ARHGAP15: variants seen among roughly 807,000 people sequenced by gnomAD.
The protein encoded by ARHGAP15 is Rho GTPase activating protein 15, also known as rho GTPase-activating protein 15.
ARHGAP15 carries 51 observed loss-of-function variants against 63.7 expected under a neutral mutation model. That is an observed-to-expected ratio of 0.80 (90% CI 0.64 to 1.01). The LOEUF is 1.01. Ranked by LOEUF, ARHGAP15 falls within the 50% of genes least tolerant of loss-of-function variation. The probability of loss-of-function intolerance (pLI) is 0.00; values close to 1 mark genes in which losing one functional copy is unlikely to be tolerated. For synonymous variants in ARHGAP15, 191 were observed against 193.8 expected, an observed-to-expected ratio of 0.99 and a Z score of 0.12; for missense variants, 560 against 564.6, an observed-to-expected ratio of 0.99 and a Z score of 0.08.
At chr2:143,378,684 T>C (rs1398607479) in intron 6 of ARHGAP15, among the ~76,000 whole-genome samples, 1 of 152,096 alleles carries the variant, frequency 6.6e-6, no homozygotes, top group Admixed American at 6.6e-5. Context: ...CATTGATTGA[T>C]GTGTTTTATC....
intron 2 of ARHGAP15, among the ~76,000 whole-genome samples, chr2:143,195,477 A>G (rs995270598): frequency 1.3e-5 from 2 of 152,312 alleles, no homozygotes; most frequent in East Asian, 3.9e-4. Flanking sequence ...TTAAAATTAG[A>G]AGATTAACTG....
At chr2:143,338,101 C>A (rs1277221125) in intron 6 of ARHGAP15, among the ~76,000 whole-genome samples, 3 of 152,128 alleles carry the variant, frequency 2.0e-5, no homozygotes, top group African/African-American at 4.8e-5. Flanking sequence ...TTTCCCCTTA[C>A]AATTACTTCC....
intron 12 of ARHGAP15, among the ~76,000 whole-genome samples, chr2:143,668,280 CT>C (rs60232406): frequency 0.25 from 35,686 of 145,562 alleles, 4,307 homozygotes; most frequent in Middle Eastern, 0.31. Context: ...ATTCTATTTT[CT>C]TTTTTTTTTT....
intron 10 of ARHGAP15, among the ~76,000 whole-genome samples, chr2:143,549,925 G>A (rs945553578): frequency 1.3e-5 from 2 of 152,116 alleles, no homozygotes; most frequent in African/African-American, 2.4e-5. Context: ...GAGGGAGAGA[G>A]TTGGACACAT....
At chr2:143,506,621 A>C (rs1018183267) in intron 9 of ARHGAP15, among the ~76,000 whole-genome samples, 1 of 152,206 alleles carries the variant, frequency 6.6e-6, no homozygotes, top group African/African-American at 2.4e-5. Flanking sequence ...TAATGAGATG[A>C]TGACAGGCAA....
intron 11 of ARHGAP15, among the ~76,000 whole-genome samples, chr2:143,572,288 G>A (rs116029132): frequency 1.3e-5 from 2 of 152,244 alleles, no homozygotes; most frequent in Non-Finnish European, 2.9e-5. Context: ...CCACCTGTGT[G>A]TGCCTTTGGA....
chr2:143,149,799 G>T (rs1689741734), intron 1 of ARHGAP15, among the ~76,000 whole-genome samples: 2 of 151,912 alleles, frequency 1.3e-5, no homozygotes. Context: ...ACATACACTG[G>T]CATAAACTAG....
chr2:143,597,818 A>G lies in ARHGAP15; in HGVS notation c.1004-26315A>G, dbSNP rs551752258. ...TATCAATTGCTGCTGCCATAACAAA[A>G]CACTTAAGACTGGGTAATTTATAAA... On this transcript the variant is annotated intron_variant, in intron 11 of 13. Coordinates refer to ENST00000295095, the MANE Select transcript of ARHGAP15 (RefSeq NM_018460.4). 3.3e-5 allele frequency: 5 copies of G among 152,286 alleles called. No individual in the cohort carries two copies. The South Asian group carries it at 1.0e-3, about 32-fold the overall frequency. 9.4% of individuals were successfully genotyped at this position (152,286 alleles called of 1,614,324 possible).
At chr2:143,238,048 T>C (rs1574135414) in intron 5 of ARHGAP15, 2 of 152,248 alleles carry the variant, frequency 1.3e-5, no homozygotes, top group South Asian at 4.1e-4. Flanking sequence ...TTTCTGCATA[T>C]GGTTACCCAG....
At chr2:143,146,389 A>G (rs556557613) in intron 1 of ARHGAP15, among the ~76,000 whole-genome samples, 2 of 152,094 alleles carry the variant, frequency 1.3e-5, no homozygotes, top group Non-Finnish European at 2.9e-5. Context: ...TCAAGAAAAA[A>G]TAGACCCTTT....
chr2:143,276,587 C>T (rs773816358), intron 6 of ARHGAP15, among the ~76,000 whole-genome samples: 2 of 152,018 alleles, frequency 1.3e-5, no homozygotes, highest in Non-Finnish European at 2.9e-5. Flanking sequence ...CCTACATATT[C>T]CTTCTCTCAT....
At chr2:143,755,278 G>C (rs897361622) in intron 13 of ARHGAP15, among the ~76,000 whole-genome samples, 2 of 150,390 alleles carry the variant, frequency 1.3e-5, no homozygotes, top group African/African-American at 2.4e-5. Flanking sequence ...CATATATGGG[G>C]GGGGGGGATC....
chr2:143,208,327 C>G (rs1044442186), intron 3 of ARHGAP15, among the ~76,000 whole-genome samples: 2 of 152,166 alleles, frequency 1.3e-5, no homozygotes, highest in African/African-American at 4.8e-5. Flanking sequence ...CAATTATTCA[C>G]TTTATAAAAT....
chr2:143,234,800 G>T (rs1054554447), intron 5 of ARHGAP15, among the ~76,000 whole-genome samples: 1 of 152,070 alleles, frequency 6.6e-6, no homozygotes, highest in African/African-American at 2.4e-5. Flanking sequence ...ATAAACAAAT[G>T]ACCTCAGGAA....
intron 8 of ARHGAP15, among the ~76,000 whole-genome samples, chr2:143,482,023 A>G (rs1692100689): frequency 6.6e-6 from 1 of 152,342 alleles, no homozygotes; most frequent in East Asian, 1.9e-4. Context: ...CAGGCTTGAC[A>G]GAAAAGATCT....
At chr2:143,626,546 G>C (rs2105245645) in intron 12 of ARHGAP15, among the ~76,000 whole-genome samples, 1 of 152,264 alleles carries the variant, frequency 6.6e-6, no homozygotes, top group South Asian at 2.1e-4. Context: ...CCACAGCATG[G>C]AAGGGGACCC....
intron 12 of ARHGAP15, among the ~76,000 whole-genome samples, chr2:143,663,689 C>G (rs1281222299): frequency 6.6e-6 from 1 of 151,962 alleles, no homozygotes; most frequent in Non-Finnish European, 1.5e-5. Context: ...TGCAGAGACA[C>G]ATATAGGCTC....
At chr2:143,765,714 G>A (rs1308588652) in intron 13 of ARHGAP15, among the ~76,000 whole-genome samples, 1 of 152,102 alleles carries the variant, frequency 6.6e-6, no homozygotes, top group East Asian at 1.9e-4. Flanking sequence ...AGGTGGCAGA[G>A]TGAAAAGCCG....
At chr2:143,178,955 A>G (rs1335604620) in intron 2 of ARHGAP15, among the ~76,000 whole-genome samples, 1 of 152,246 alleles carries the variant, frequency 6.6e-6, no homozygotes, top group Non-Finnish European at 1.5e-5. Flanking sequence ...TGGAGTCTTT[A>G]GAAAGCAACA....
Sources: gnomAD v4.1 joint callset for allele counts (sites outside exome capture counted in the v4.1 genomes callset) on GRCh38, gnomAD v4.1.1 for gene constraint, MANE v1.5 for transcripts, NCBI Gene and HGNC (gene_info 2026-07-23, HGNC 2026-07-21) for gene names.